LPCAT2: variants seen among roughly 807,000 people sequenced by gnomAD.
The protein encoded by LPCAT2 is lysophosphatidylcholine acyltransferase 2, also known as 1-AGP acyltransferase 11.
Under a neutral mutation model 64.7 loss-of-function variants are expected in LPCAT2, and 58 were observed. That is an observed-to-expected ratio of 0.90 (90% CI 0.73 to 1.12). The LOEUF (loss-of-function observed/expected upper bound fraction) is 1.12, where lower values mean the gene tolerates loss of function less well. Ranked by LOEUF, LPCAT2 falls within the 50% of genes most tolerant of loss-of-function variation. LPCAT2 has a pLI of 0.00. For synonymous variants in LPCAT2, 252 were observed against 245.3 expected (o/e 1.03, Z -0.26); for missense variants, 579 against 669.8 (o/e 0.86, Z 1.50).
In LPCAT2 at chr16:55,544,121, C is replaced by A. The variant is rs200865079; in HGVS notation, c.853-1614C>A. ...CATACACTCCTTACCGCTGAAGTTA[C>A]CACTTAAAAACTTGGACCTGGTCAT... On this transcript the variant is annotated intron_variant, in intron 8 of 13. Coordinates refer to ENST00000262134, the MANE Select transcript of LPCAT2 (RefSeq NM_017839.5). Among the ~76,000 whole-genome samples, 35 of 152,240 alleles carry A rather than the reference C, an allele frequency of 2.3e-4. No homozygotes were observed. In the South Asian group the frequency reaches 3.1e-3, roughly 14 times the overall value.
intron 13 of LPCAT2, among the ~76,000 whole-genome samples, chr16:55,582,366 T>C (rs1339915147): frequency 2.6e-5 from 4 of 152,328 alleles, no homozygotes; most frequent in African/African-American, 9.6e-5. Context: ...CCTTTAAATA[T>C]TAAATTTTAG....
At chr16:55,556,099 G>A (rs77659494) in intron 11 of LPCAT2, among the ~76,000 whole-genome samples, 4,192 of 152,252 alleles carry the variant, frequency 0.028, 86 homozygotes, top group East Asian at 0.12. Flanking sequence ...ACAGGTGTGA[G>A]TTACCACACC....
At position 55,509,325 on chromosome 16, in the gene LPCAT2, G is replaced by A. The variant is rs758936064; in HGVS notation, c.144G>A (p.Thr48=). ...PPVPNPFVQQ[T]QIGSARRVQI... ...TGCCGAACCCCTTCGTGCAGCAGAC[G>A]CAGATCGGCTCCGCGAGGCGGGTCC... The change falls in exon 1 of 14, where the codon ACG becomes ACA. Residue 48 remains threonine (T), a synonymous_variant. Coordinates refer to ENST00000262134, the MANE Select transcript of LPCAT2 (RefSeq NM_017839.5). 55 of 1,469,796 alleles carry A rather than the reference G, an allele frequency of 3.7e-5. 2 individuals are homozygous for A. The South Asian group carries it at 7.4e-4, about 20-fold the overall frequency. The allele number at this position is 1,469,796 out of a possible 1,614,324, so 91.0% of individuals were successfully genotyped here. A position where few individuals can be genotyped will look rare whatever the true frequency, so the allele number is the denominator to read the frequency against.
At chr16:55,582,323 TTTTAC>T (rs1399466913) in intron 13 of LPCAT2, among the ~76,000 whole-genome samples, 4 of 152,178 alleles carry the variant, frequency 2.6e-5, no homozygotes, top group African/African-American at 2.4e-5. Context: ...CCTTGCTTTA[TTTTAC>T]TTTAACAGTT....
chr16:55,582,848 T>C, intron 13 of LPCAT2, 66 bp from the exon 14 acceptor site: 1 of 1,023,516 alleles, frequency 9.8e-7, no homozygotes, highest in Admixed American at 2.2e-5. Context: ...GAGTCATTTA[T>C]TAATCTGCAT....
At chr16:55,535,909 TTTAG>T (rs1963318201) in intron 7 of LPCAT2, among the ~76,000 whole-genome samples, 1 of 152,090 alleles carries the variant, frequency 6.6e-6, no homozygotes, top group Non-Finnish European at 1.5e-5. Context: ...AATAGACGGG[TTTAG>T]TTAATCTAGC....
chr16:55,572,867 G>A (rs1461335166), intron 11 of LPCAT2, among the ~76,000 whole-genome samples: 1 of 151,924 alleles, frequency 6.6e-6, no homozygotes, highest in Non-Finnish European at 1.5e-5. Context: ...AAATCAAACC[G>A]TACATTTAAA....
intron 9 of LPCAT2, among the ~76,000 whole-genome samples, chr16:55,548,366 A>T (rs1382056789): frequency 2.0e-5 from 3 of 152,174 alleles, no homozygotes; most frequent in Non-Finnish European, 4.4e-5. Flanking sequence ...GAGGATGTTT[A>T]GGTTTAGAAG....
chr16:55,547,326 A>G (rs764551196), intron 9 of LPCAT2, among the ~76,000 whole-genome samples: 6 of 152,220 alleles, frequency 3.9e-5, no homozygotes, highest in Non-Finnish European at 8.8e-5. Flanking sequence ...ACAACTTTGG[A>G]CAAGTCTCCT....
chr16:55,538,679 C>CAAAAA (rs3040226), intron 8 of LPCAT2: 1 of 90,872 alleles, frequency 1.1e-5, no homozygotes, highest in Admixed American at 1.3e-4. Context: ...TCACTGTGGC[C>CAAAAA]AAAAAAAAAA....
chr16:55,543,845 C>A (rs1963423317), intron 8 of LPCAT2, among the ~76,000 whole-genome samples: 1 of 152,222 alleles, frequency 6.6e-6, no homozygotes, highest in South Asian at 2.1e-4. Context: ...AGATCTCAAG[C>A]AGCAACCCAG....
chr16:55,579,304 T>C, intron 13 of LPCAT2, 60 bp downstream of exon 13: 1 of 1,530,354 alleles, frequency 6.5e-7, no homozygotes, highest in Non-Finnish European at 8.9e-7. Context: ...GACTATGGAC[T>C]GATGCTCAAG....
intron 12 of LPCAT2, among the ~76,000 whole-genome samples, chr16:55,575,754 A>G (rs1436688113): frequency 1.3e-5 from 2 of 152,180 alleles, no homozygotes; most frequent in Non-Finnish European, 2.9e-5. Flanking sequence ...CATGTGCACT[A>G]TCATTGACAG....
At chr16:55,579,282 G>A (rs761231786) in intron 13 of LPCAT2, 38 bp downstream of exon 13, 1 of 1,602,774 alleles carries the variant, frequency 6.2e-7, no homozygotes, top group South Asian at 1.1e-5. Context: ...TAGTTTACAA[G>A]GAGGACATCC....
chr16:55,510,445 C>T (rs1555494561), intron 1 of LPCAT2, among the ~76,000 whole-genome samples: 1 of 7,058 alleles, frequency 1.4e-4, no homozygotes, highest in Non-Finnish European at 2.6e-4. Flanking sequence ...GTGTGTTCTG[C>T]GGGGGTTGGG....
chr16:55,551,209 C>G, intron 11 of LPCAT2, 107 bp downstream of exon 11: 1 of 970,892 alleles, frequency 1.0e-6, no homozygotes, highest in East Asian at 2.6e-5. Flanking sequence ...TTAGAAGAAT[C>G]AAGGCTGAGC....
At chr16:55,516,442 G>T (rs1228730701) in intron 1 of LPCAT2, among the ~76,000 whole-genome samples, 2 of 152,102 alleles carry the variant, frequency 1.3e-5, no homozygotes, top group Admixed American at 1.3e-4. Context: ...CAAATAGGTT[G>T]GAAGTAAAAA....
At chr16:55,567,162 AC>A in intron 11 of LPCAT2, 2 of 1,613,914 alleles carry the variant, frequency 1.2e-6, no homozygotes, top group Non-Finnish European at 1.7e-6. Flanking sequence ...CAGTGACACG[AC>A]TGGTAAGCTG....
chr16:55,529,775 AT>A, intron 3 of LPCAT2, 59 bp from the exon 4 acceptor site: 1 of 800,298 alleles, frequency 1.2e-6, no homozygotes, highest in East Asian at 2.6e-5. Flanking sequence ...ATCCAGTATT[AT>A]TGCTGTGGTT....
Sources: gnomAD v4.1 joint callset for allele counts (sites outside exome capture counted in the v4.1 genomes callset) on GRCh38, gnomAD v4.1.1 for gene constraint, MANE v1.5 for transcripts, NCBI Gene and HGNC (gene_info 2026-07-23, HGNC 2026-07-21) for gene names.